The following SYT2 variants were observed in gnomAD, a reference collection of about 807,000 sequenced individuals.
SYT2 encodes the protein synaptotagmin 2, also known as synaptotagmin-2.
A neutral mutation model predicts 39.9 loss-of-function variants in SYT2; 15 were observed. That is an observed-to-expected ratio of 0.38 (90% CI 0.25 to 0.58). The LOEUF is 0.58. SYT2 is among the 20% of genes least tolerant of loss of function. The probability of loss-of-function intolerance (pLI) is 0.70; values close to 1 mark genes in which losing one functional copy is unlikely to be tolerated. For missense variants in SYT2, 389 were observed against 530.3 expected, an observed-to-expected ratio of 0.73 and a Z score of 2.62; for synonymous variants, 181 against 204.5, an observed-to-expected ratio of 0.89 and a Z score of 0.98.
intron 1 of SYT2, among the ~76,000 whole-genome samples, chr1:202,678,273 CAAAAAAA>C (rs773123862): frequency 3.3e-4 from 10 of 30,730 alleles, no homozygotes; most frequent in East Asian, 9.0e-4. Context: ...GACTCTGTCT[CAAAAAAA>C]AAAAAAAAAA....
intron 1 of SYT2, chr1:202,636,548 C>T (rs1572646006): frequency 7.7e-6 from 2 of 261,006 alleles, no homozygotes; most frequent in Non-Finnish European, 1.2e-5. Context: ...AGGGAAAAAC[C>T]GCTTGCCTGG....
rs1450691152 is a variant in SYT2, at chr1:202,628,928, T to C, written c.-17-23139A>G. ...ACAGGTTGCTTAACCTCTCTGGGCC[T>C]CAGCACTCCGTCTGCAAAATGGGAA... On this transcript the variant is annotated intron_variant, in intron 1 of 8. Transcript: ENST00000367268. The surrounding 1 kb of genome is among the most constrained non-coding windows in gnomAD (Gnocchi z 4.2). Among the ~76,000 whole-genome samples the C allele has an allele frequency of 6.6e-6, 1 of 152,190 alleles. No homozygotes were observed. Among genetic ancestry groups the C allele is most frequent in the Non-Finnish European group, 1.5e-5 (1 of 68,038 alleles).
intron 1 of SYT2, among the ~76,000 whole-genome samples, chr1:202,633,932 A>C (rs1691668110): frequency 6.6e-6 from 1 of 152,212 alleles, no homozygotes; most frequent in African/African-American, 2.4e-5. Context: ...TTGGGCACCT[A>C]CTACAGTCAG....
chr1:202,608,652 T>C (rs907001813), intron 1 of SYT2, among the ~76,000 whole-genome samples: 7 of 152,256 alleles, frequency 4.6e-5, no homozygotes, highest in Non-Finnish European at 8.8e-5. Context: ...ATTTTATAAC[T>C]AAATATAGCT....
At position 202,623,487 on chromosome 1, in the gene SYT2, G is replaced by A. The variant is rs1221683725; in HGVS notation, c.-17-17698C>T. Among the ~76,000 whole-genome samples the A allele has an allele frequency of 1.3e-5, 2 of 152,230 alleles. No homozygotes were observed. Among genetic ancestry groups the A allele is most frequent in the Non-Finnish European group, 2.9e-5 (2 of 68,044 alleles). On this transcript the variant is annotated intron_variant, in intron 1 of 8. Transcript: ENST00000367268. This position sits in a 1 kb window ranked among gnomAD's most constrained non-coding sequence, Gnocchi z 4.2. ...CCCCACAACATCTCCCAAACCCACA[G>A]GCAGCTGTCCTGGGGCGGAGGAGAG...
At chr1:202,625,921 A>G (rs1691391154) in intron 1 of SYT2, among the ~76,000 whole-genome samples, 1 of 152,194 alleles carries the variant, frequency 6.6e-6, no homozygotes, top group Admixed American at 6.5e-5. Context: ...CATAGCAGAG[A>G]ATGCCAGAAA....
At position 202,698,853 on chromosome 1, in the gene SYT2, G is replaced by A. The variant is rs151054564; in HGVS notation, c.-18+11405C>T. On this transcript the variant is annotated intron_variant, in intron 1 of 8. Transcript: ENST00000367268. Reference sequence around the variant, plus strand: ...ACTTTCCAGCAGACAACTCTTAGAGGGCCTGCTCAATGAGGAGCTTTAGGT... The same window carrying A: ...ACTTTCCAGCAGACAACTCTTAGAGAGCCTGCTCAATGAGGAGCTTTAGGT... 7.2e-5 allele frequency among the ~76,000 whole-genome samples: 11 copies of A among 152,162 alleles called. No individual in the cohort carries two copies. In the East Asian group the frequency reaches 1.7e-3, roughly 24 times the overall value.
chr1:202,631,960 C>G, intron 1 of SYT2: 1 of 902,990 alleles, frequency 1.1e-6, no homozygotes, highest in Non-Finnish European at 1.3e-6. Flanking sequence ...TTCGCCAGGC[C>G]CTGCTGGTTC....
At chr1:202,701,467 G>A (rs1194208044) in intron 1 of SYT2, among the ~76,000 whole-genome samples, 1 of 152,210 alleles carries the variant, frequency 6.6e-6, no homozygotes, top group Non-Finnish European at 1.5e-5. Context: ...ATATTAAAAA[G>A]ATGTGCACTC....
At chr1:202,639,856 G>C in intron 1 of SYT2, 1 of 983,566 alleles carries the variant, frequency 1.0e-6, no homozygotes, top group Non-Finnish European at 1.2e-6. Flanking sequence ...TGTGCATGGT[G>C]ACAACTGCAG....
chr1:202,675,945 G>C (rs552121009), intron 1 of SYT2, among the ~76,000 whole-genome samples: 1 of 152,302 alleles, frequency 6.6e-6, no homozygotes, highest in Non-Finnish European at 1.5e-5. Context: ...CTCACAGCCA[G>C]TTTAGGCAGG....
chr1:202,625,239 GGTGT>G (rs148240665), intron 1 of SYT2, among the ~76,000 whole-genome samples: 4,352 of 120,702 alleles, frequency 0.036, 220 homozygotes, highest in African/African-American at 0.081. Flanking sequence ...GTGTCTGTGT[GGTGT>G]GTGTGTGGTG....
At chr1:202,600,861 G>A (rs1407479330) in intron 6 of SYT2, among the ~76,000 whole-genome samples, 7 of 152,204 alleles carry the variant, frequency 4.6e-5, no homozygotes, top group African/African-American at 1.7e-4. Flanking sequence ...CGAGAAGCGG[G>A]TGGGTTAGCC....
intron 1 of SYT2, among the ~76,000 whole-genome samples, chr1:202,624,345 T>C (rs1322292955): frequency 1.4e-5 from 2 of 144,894 alleles, no homozygotes; most frequent in African/African-American, 5.4e-5. Context: ...TAGTGGGGTG[T>C]CAGGGGGTAT....
At position 202,600,748 on chromosome 1, in the gene SYT2, G is replaced by A. The variant is rs577574499; in HGVS notation, c.802-274C>T. ...GATGAGGGGGGTAGAGGACAGCTGC[G>A]GTGGCAGGACTGAGGGAGGGATCCC... is the stretch of plus-strand genomic sequence containing the variant. On this transcript the variant is annotated intron_variant, in intron 6 of 8. Coordinates refer to ENST00000367268, the MANE Select transcript of SYT2 (RefSeq NM_177402.5). Among the ~76,000 whole-genome samples the A allele has an allele frequency of 3.3e-5, 5 of 152,302 alleles. 1 individual carries two copies. Among genetic ancestry groups the A allele is most frequent in the South Asian group, 2.1e-4 (1 of 4,826 alleles).
chr1:202,682,723 C>A (rs1289727065), intron 1 of SYT2, among the ~76,000 whole-genome samples: 6 of 151,918 alleles, frequency 3.9e-5, no homozygotes, highest in African/African-American at 1.5e-4. Context: ...TAGCGTGGAG[C>A]TGATCATGGA....
At chr1:202,650,558 C>T (rs1692172494) in intron 1 of SYT2, among the ~76,000 whole-genome samples, 1 of 151,916 alleles carries the variant, frequency 6.6e-6, no homozygotes, top group Non-Finnish European at 1.5e-5. Context: ...GCCTCAGCCT[C>T]CTGAGTAGCT....
intron 1 of SYT2, among the ~76,000 whole-genome samples, chr1:202,692,960 G>T (rs545430427): frequency 6.6e-6 from 1 of 152,190 alleles, no homozygotes; most frequent in South Asian, 2.1e-4. Flanking sequence ...GGAGAAGGAG[G>T]GGGAGGAAGT....
At chr1:202,603,155 G>T in intron 3 of SYT2, 37 bp from the exon 4 acceptor site, 1 of 1,612,682 alleles carries the variant, frequency 6.2e-7, no homozygotes, top group South Asian at 1.1e-5. Flanking sequence ...CAAGTTAAAA[G>T]GGGAGGACCG....
Sources: allele counts gnomAD v4.1 joint callset (sites outside exome capture counted in the v4.1 genomes callset), GRCh38; gene constraint gnomAD v4.1.1; non-coding constraint Gnocchi (gnomAD v3.1); transcripts MANE v1.5; gene names NCBI Gene and HGNC (gene_info 2026-07-23, HGNC 2026-07-21).